The following NELL1 variants were observed in gnomAD, a reference collection of about 807,000 sequenced individuals.
NELL1 encodes the protein neural EGFL like 1.
Under a neutral mutation model 107.4 loss-of-function variants are expected in NELL1, and 76 were observed. The ratio of observed to expected loss-of-function variants is 0.71; its 90% CI spans 0.59 to 0.86. NELL1 has a LOEUF of 0.86. Among genes scored for constraint, NELL1 ranks in the 40% least tolerant of loss-of-function variants. NELL1 has a pLI of 0.00. For synonymous variants in NELL1, 353 were observed against 341.2 expected (o/e 1.03, Z -0.38); for missense variants, 1,024 against 1,005.5 (o/e 1.02, Z -0.25).
intron 12 of NELL1, among the ~76,000 whole-genome samples, chr11:21,026,021 A>G (rs1852806278): frequency 6.6e-6 from 1 of 152,162 alleles, no homozygotes; most frequent in South Asian, 2.1e-4. Context: ...ATCTGGTCAC[A>G]TCTTCGCATT....
intron 16 of NELL1, among the ~76,000 whole-genome samples, chr11:21,538,532 C>G (rs1451540721): frequency 6.6e-6 from 1 of 152,054 alleles, no homozygotes; most frequent in Non-Finnish European, 1.5e-5. Context: ...CTCTCTTTAA[C>G]TTGTATATCT....
intron 12 of NELL1, among the ~76,000 whole-genome samples, chr11:20,972,602 G>C (rs1349389278): frequency 6.6e-6 from 1 of 152,168 alleles, no homozygotes; most frequent in East Asian, 1.9e-4. Flanking sequence ...TGAAAACCTG[G>C]AGTTACCAAA....
chr11:21,369,095 T>A (rs1193744771), intron 14 of NELL1, among the ~76,000 whole-genome samples: 4 of 152,086 alleles, frequency 2.6e-5, no homozygotes, highest in African/African-American at 9.7e-5. Context: ...AAAACTTAGA[T>A]GAAGTGCAGT....
chr11:21,074,084 G>A (rs1854078787), intron 12 of NELL1, among the ~76,000 whole-genome samples: 1 of 152,174 alleles, frequency 6.6e-6, no homozygotes, highest in Non-Finnish European at 1.5e-5. Context: ...CTTATTGGTT[G>A]AGGATGAGTT....
At chr11:21,154,420 G>A (rs1856186160) in intron 13 of NELL1, among the ~76,000 whole-genome samples, 1 of 152,110 alleles carries the variant, frequency 6.6e-6, no homozygotes, top group Non-Finnish European at 1.5e-5. Context: ...ACTGAACTGT[G>A]AAATCCAATT....
intron 15 of NELL1, among the ~76,000 whole-genome samples, chr11:21,510,204 A>G (rs1855400357): frequency 1.3e-5 from 2 of 152,214 alleles, no homozygotes; most frequent in African/African-American, 4.8e-5. Flanking sequence ...TATAGATCAT[A>G]ATCCATAATG....
chr11:21,450,300 TG>T (rs1853546135), intron 15 of NELL1, among the ~76,000 whole-genome samples: 1 of 152,172 alleles, frequency 6.6e-6, no homozygotes, highest in African/African-American at 2.4e-5. Context: ...GAAATATGTG[TG>T]GGGGATTTTC....
chr11:21,270,116 G>C (rs530971462), intron 14 of NELL1, among the ~76,000 whole-genome samples: 1 of 151,958 alleles, frequency 6.6e-6, no homozygotes, highest in Non-Finnish European at 1.5e-5. Flanking sequence ...ACCTCAAAAA[G>C]AAGACAAAGA....
intron 13 of NELL1, among the ~76,000 whole-genome samples, chr11:21,164,471 G>A (rs1272896084): frequency 6.6e-6 from 1 of 152,004 alleles, no homozygotes; most frequent in Non-Finnish European, 1.5e-5. Context: ...GATAACTGTG[G>A]GGTGTTTGTT....
chr11:20,927,051 T>A (rs1850511759), intron 7 of NELL1: 1 of 396,644 alleles, frequency 2.5e-6, no homozygotes, highest in South Asian at 3.4e-5. Flanking sequence ...TGAACACCCA[T>A]GAGGTTCCTG....
chr11:21,451,372 G>T (rs1853581438), intron 15 of NELL1, among the ~76,000 whole-genome samples: 1 of 152,058 alleles, frequency 6.6e-6, no homozygotes, highest in African/African-American at 2.4e-5. Flanking sequence ...CTGAGACTGG[G>T]ATTGGTTCAG....
intron 18 of NELL1, among the ~76,000 whole-genome samples, chr11:21,572,026 T>G: frequency 6.6e-6 from 1 of 151,882 alleles, no homozygotes; most frequent in East Asian, 1.9e-4. Context: ...TATGTCTTTC[T>G]TAATCACTCC....
chr11:20,970,053 GTCCATCCATCCA>G (rs3046320), intron 12 of NELL1, among the ~76,000 whole-genome samples: 5,676 of 126,030 alleles, frequency 0.045, 124 homozygotes, highest in East Asian at 0.12. Context: ...CTATCTCTCT[GTCCATCCATCCA>G]TCCATCCATC....
At chr11:21,327,903 G>A (rs921620205) in intron 14 of NELL1, among the ~76,000 whole-genome samples, 3 of 152,248 alleles carry the variant, frequency 2.0e-5, no homozygotes, top group Non-Finnish European at 2.9e-5. Context: ...CTTTGAACTC[G>A]GGAGAGATGA....
At chr11:20,977,293 C>G (rs966739687) in intron 12 of NELL1, among the ~76,000 whole-genome samples, 2 of 143,984 alleles carry the variant, frequency 1.4e-5, no homozygotes, top group Non-Finnish European at 3.0e-5. Context: ...GAGACAGAGT[C>G]TCGCTCTGTC....
chr11:21,086,619 C>T (rs1854397831), intron 12 of NELL1, among the ~76,000 whole-genome samples: 1 of 152,108 alleles, frequency 6.6e-6, no homozygotes, highest in Non-Finnish European at 1.5e-5. Context: ...CTTCTTACTT[C>T]ATCATTGTTG....
At chr11:21,157,731 G>A (rs1856274603) in intron 13 of NELL1, among the ~76,000 whole-genome samples, 2 of 152,156 alleles carry the variant, frequency 1.3e-5, no homozygotes, top group Non-Finnish European at 2.9e-5. Context: ...CCAGGGTATA[G>A]ATCTTCCATG....
intron 12 of NELL1, among the ~76,000 whole-genome samples, chr11:20,995,364 G>A (rs1450929143): frequency 1.3e-5 from 2 of 151,936 alleles, no homozygotes; most frequent in East Asian, 1.9e-4. Context: ...GGCAGATCAC[G>A]AGGTCAGGAG....
chr11:21,293,173 A>G (rs950319421), intron 14 of NELL1, among the ~76,000 whole-genome samples: 6 of 152,188 alleles, frequency 3.9e-5, no homozygotes, highest in Admixed American at 2.0e-4. Flanking sequence ...TTTGCAATCT[A>G]TCCATCTGAC....
Sources: gnomAD v4.1 joint callset for allele counts (sites outside exome capture counted in the v4.1 genomes callset) on GRCh38, gnomAD v4.1.1 for gene constraint, MANE v1.5 for transcripts, NCBI Gene and HGNC (gene_info 2026-07-23, HGNC 2026-07-21) for gene names.